Variants in TUT4 observed in about 807,000 individuals in gnomAD.
TUT4 encodes terminal uridylyl transferase 4.
A neutral mutation model predicts 192.2 loss-of-function variants in TUT4; 36 were observed. The observed-to-expected ratio is 0.19, with a 90% CI of 0.14 to 0.25. The LOEUF (loss-of-function observed/expected upper bound fraction) is 0.25. Ranked by LOEUF, TUT4 falls within the 10% of genes least tolerant of loss-of-function variation. TUT4 has a pLI of 1.00. For synonymous variants in TUT4, 618 were observed against 666.0 expected (o/e 0.93, Z 1.11); for missense variants, 1,493 against 1,957.2 (o/e 0.76, Z 4.47).
chr1:52,475,224 C>T lies in TUT4; in HGVS notation c.2335G>A (p.Asp779Asn). The T allele has an allele frequency of 1.2e-6, 2 of 1,614,092 alleles. No homozygotes were observed. The highest frequency in any genetic ancestry group is 2.2e-5 in the East Asian group (1 of 44,876). The change falls in exon 13 of 30, where the codon GAC (aspartate) becomes AAC (asparagine). Residue 779 changes from aspartate (D) to asparagine (N), a missense_variant. By Grantham distance (23) the Asp-to-Asn change is conservative. Transcript: ENST00000257177. ...MDCTSQRCII[D>N]NNNLLVNELD... is the part of the protein sequence containing the mutation. The stretch of plus-strand genomic sequence containing the variant: ...TCATTTACCAACAAATTGTTGTTGT[C>T]AATAATACATCTCTGTGATGTACAG...
chr1:52,430,542 C>G (rs1296430985), intron 28 of TUT4, among the ~76,000 whole-genome samples: 1 of 152,196 alleles, frequency 6.6e-6, no homozygotes, highest in African/African-American at 2.4e-5. Flanking sequence ...CTCCGCCTCC[C>G]AAAGTGCTGG....
chr1:52,455,653 G>A (rs1557703624), intron 20 of TUT4, among the ~76,000 whole-genome samples: 1 of 135,434 alleles, frequency 7.4e-6, no homozygotes, highest in Non-Finnish European at 1.6e-5. Flanking sequence ...GAAGGGAGGG[G>A]AGGGCAGGGG....
intron 29 of TUT4, 198 bp from the exon 30 acceptor site, chr1:52,424,200 G>C: frequency 1.8e-6 from 1 of 557,920 alleles, no homozygotes; most frequent in African/African-American, 1.9e-5. Context: ...AAAAGGAGAG[G>C]ACACGAAAGA....
At chr1:52,461,907 A>T (rs1662665666) in intron 16 of TUT4, 138 bp from the exon 17 acceptor site, 5 of 560,502 alleles carry the variant, frequency 8.9e-6, no homozygotes. Context: ...CAAGTAAGTG[A>T]TTCATAGACC....
intron 4 of TUT4, among the ~76,000 whole-genome samples, chr1:52,507,176 T>G (rs1434191578): frequency 1.3e-5 from 2 of 152,198 alleles, no homozygotes; most frequent in East Asian, 3.8e-4. Context: ...AGGAAGCTTT[T>G]TCATATGCAT....
intron 2 of TUT4, among the ~76,000 whole-genome samples, chr1:52,518,452 T>A (rs1048453889): frequency 6.6e-6 from 1 of 152,216 alleles, no homozygotes. Context: ...CCTTTCCTTA[T>A]AGGACAGAGG....
intron 20 of TUT4, among the ~76,000 whole-genome samples, chr1:52,447,460 A>C (rs532943410): frequency 1.4e-4 from 18 of 128,694 alleles, no homozygotes; most frequent in African/African-American, 6.5e-4. Context: ...CCAAAAAAAA[A>C]CAAAAAAACA....
chr1:52,510,038 T>C lies in TUT4; in HGVS notation c.883-326A>G, dbSNP rs191183579. 6.0e-4 allele frequency among the ~76,000 whole-genome samples: 91 copies of C among 151,822 alleles called. 1 individual carries two copies. Among genetic ancestry groups the C allele is most frequent in the Admixed American group, 5.8e-3 (89 of 15,234 alleles). On this transcript the variant is annotated intron_variant, in intron 3 of 29. Coordinates refer to ENST00000257177, the MANE Select transcript of TUT4 (RefSeq NM_001009881.3). ...ATGTAAGAAAAGCAGTCGGGCTGAG[T>C]GTGGTGGCTATGCCTGTAATCCCAG...
intron 2 of TUT4, 42 bp downstream of exon 2, chr1:52,525,521 A>G (rs1190871680): frequency 2.6e-6 from 4 of 1,561,946 alleles, no homozygotes; most frequent in Non-Finnish European, 3.5e-6. Flanking sequence ...GGATAATCTA[A>G]AGAACATTAA....
Position 52,516,817 on chromosome 1 carries a change from T to C in TUT4, c.719-763A>G, listed in dbSNP as rs534535588. On this transcript the variant is annotated intron_variant, in intron 2 of 29. Transcript: ENST00000257177. ...CTCATGAAGGCAGTAAACAGAATAA[T>C]TCCAAGTTGTAATAAATGTTACAAA... Among the ~76,000 whole-genome samples the C allele has an allele frequency of 1.1e-4, 16 of 152,264 alleles. No homozygotes were observed. In the South Asian group the frequency reaches 3.1e-3, roughly 30 times the overall value.
In TUT4 at chr1:52,446,678, A is replaced by T. The variant is rs1657605546; in HGVS notation, c.3436-11T>A. ...TTTTCCATCAAAGATCTGCATAAAAAAATTAATTGTATTATTAGATTTCAA... is the reference window on the plus strand; with the variant it reads ...TTTTCCATCAAAGATCTGCATAAAATAATTAATTGTATTATTAGATTTCAA... On this transcript the variant is annotated splice_polypyrimidine_tract_variant and intron_variant, in intron 20 of 29. Coordinates refer to ENST00000257177, the MANE Select transcript of TUT4 (RefSeq NM_001009881.3). The T allele has an allele frequency of 6.3e-7, 1 of 1,592,212 alleles. No individual in the cohort carries two copies. The highest frequency in any genetic ancestry group is 8.5e-7 in the Non-Finnish European group (1 of 1,170,086).
At chr1:52,426,051 C>T (rs1003514919) in intron 28 of TUT4, among the ~76,000 whole-genome samples, 1 of 152,164 alleles carries the variant, frequency 6.6e-6, no homozygotes, top group Non-Finnish European at 1.5e-5. Flanking sequence ...CTTAGTACAT[C>T]ATGCAAAGGA....
chr1:52,479,043 GAGA>G (rs1247651495), intron 11 of TUT4, among the ~76,000 whole-genome samples: 1 of 152,172 alleles, frequency 6.6e-6, no homozygotes, highest in Admixed American at 6.5e-5. Flanking sequence ...GTGGAAGCAG[GAGA>G]AGGTTACAGT....
rs529697048 is a variant in TUT4 at position 52,540,048 on chromosome 1, C to T, written c.-94+12883G>A. 4.0e-4 allele frequency among the ~76,000 whole-genome samples: 60 copies of T among 149,712 alleles called. No individual in the cohort carries two copies. The South Asian group carries it at 0.012, about 31-fold the overall frequency. On this transcript the variant is annotated intron_variant, in intron 1 of 29. Transcript: ENST00000257177. Reference sequence around the variant, plus strand: ...CCTGGCTAACAAGGTGAAACCCTGTCTCTACTAAAAATACAAAAAAATTAG... The same window carrying T: ...CCTGGCTAACAAGGTGAAACCCTGTTTCTACTAAAAATACAAAAAAATTAG...
intron 9 of TUT4, among the ~76,000 whole-genome samples, chr1:52,488,361 A>C (rs7534130): frequency 0.33 from 50,191 of 151,978 alleles, 12,257 homozygotes; most frequent in African/African-American, 0.7. Context: ...ATTAACTACT[A>C]CTCCCTATCC....
At chr1:52,495,147 A>G (rs145453020) in intron 6 of TUT4, among the ~76,000 whole-genome samples, 102 of 152,210 alleles carry the variant, frequency 6.7e-4, no homozygotes, top group African/African-American at 2.4e-3. Context: ...CACCTTCTAT[A>G]CTGCTTACCA....
At chr1:52,464,946 T>TA (rs1314729196) in intron 16 of TUT4, 124 bp downstream of exon 16, 1 of 650,410 alleles carries the variant, frequency 1.5e-6, no homozygotes, top group African/African-American at 1.9e-5. Flanking sequence ...TTCAAACACT[T>TA]ATTTTGCTAA....
intron 20 of TUT4, among the ~76,000 whole-genome samples, chr1:52,456,561 C>T (rs1156857400): frequency 7.1e-6 from 1 of 140,678 alleles, no homozygotes; most frequent in East Asian, 2.2e-4. Flanking sequence ...GAAATTTAAA[C>T]ACATATCACT....
chr1:52,456,759 A>G (rs1661096486), intron 20 of TUT4, among the ~76,000 whole-genome samples: 1 of 152,232 alleles, frequency 6.6e-6, no homozygotes, highest in Non-Finnish European at 1.5e-5. Context: ...GTAATGGCAT[A>G]TATTGATGTA....
Sources: gnomAD v4.1 joint callset for allele counts (sites outside exome capture counted in the v4.1 genomes callset) on GRCh38, gnomAD v4.1.1 for gene constraint, MANE v1.5 for transcripts, NCBI Gene and HGNC (gene_info 2026-07-23, HGNC 2026-07-21) for gene names.